RB1: variants seen among roughly 807,000 people sequenced by gnomAD.
RB1 encodes the protein retinoblastoma-associated protein.
In RB1, 18 loss-of-function variants were observed where a neutral mutation model predicts 135.4. The observed-to-expected ratio is 0.13, with a 90% CI of 0.09 to 0.20. The LOEUF is 0.20. Ranked by LOEUF, RB1 falls within the 10% of genes least tolerant of loss-of-function variation. The pLI is 1.00. For synonymous variants in RB1, 365 were observed against 373.2 expected, an observed-to-expected ratio of 0.98 and a Z score of 0.25; for missense variants, 868 against 1,110.0, an observed-to-expected ratio of 0.78 and a Z score of 3.10.
Position 48,481,168 on chromosome 13 carries a change from AT to A in RB1, c.*1100del, listed in dbSNP as rs1949536515. On this transcript the variant is annotated 3_prime_UTR_variant, in exon 27 of 27. Transcript: ENST00000267163. ...GTATCTTTTGAACTGGCAATTGTCT[AT>A]TTATCTTTTATTTTTTTAAGTCAGT... is the stretch of plus-strand genomic sequence containing the variant. 8.7e-6 allele frequency: 2 copies of A among 230,666 alleles called. No homozygotes were observed. The allele number at this position is 230,666 out of a possible 1,614,324, so 14.3% of individuals were successfully genotyped here.
At chr13:48,472,986 T>C (rs1480202125) in intron 23 of RB1, among the ~76,000 whole-genome samples, 2 of 152,174 alleles carry the variant, frequency 1.3e-5, no homozygotes. Context: ...ATATTCTAAG[T>C]TTTTTCCAAA....
intron 17 of RB1, among the ~76,000 whole-genome samples, chr13:48,386,066 G>A (rs1948569317): frequency 2.0e-5 from 3 of 148,354 alleles, no homozygotes; most frequent in South Asian, 2.1e-4. Flanking sequence ...AAAGCTAGGT[G>A]TGATGGCATG....
intron 17 of RB1, chr13:48,411,522 G>T: frequency 6.2e-7 from 1 of 1,612,454 alleles, no homozygotes; most frequent in Non-Finnish European, 8.5e-7. Context: ...CATTTTTATT[G>T]AATTCTGAAT....
At chr13:48,364,170 AT>A (rs2138115021) in intron 8 of RB1, among the ~76,000 whole-genome samples, 1 of 152,330 alleles carries the variant, frequency 6.6e-6, no homozygotes, top group Admixed American at 6.5e-5. Flanking sequence ...GATATATTTA[AT>A]TACATATATT....
intron 6 of RB1, 30 bp from the exon 7 acceptor site, chr13:48,359,987 T>A (rs1472306160): frequency 1.2e-6 from 2 of 1,608,908 alleles, no homozygotes; most frequent in Non-Finnish European, 1.7e-6. Context: ...AATCTCTAAC[T>A]TTCTTTAAAA....
intron 26 of RB1, among the ~76,000 whole-genome samples, chr13:48,478,053 T>C (rs1949514894): frequency 6.6e-6 from 1 of 152,194 alleles, no homozygotes; most frequent in Admixed American, 6.6e-5. Context: ...TATTGGGTTG[T>C]CTTAGGTAGT....
chr13:48,381,500 T>C, intron 17 of RB1, 57 bp downstream of exon 17: 1 of 1,516,468 alleles, frequency 6.6e-7, no homozygotes, highest in Non-Finnish European at 9.1e-7. Flanking sequence ...AACAAATTAT[T>C]GTTAGTGAGA....
intron 12 of RB1, among the ~76,000 whole-genome samples, chr13:48,374,938 C>T (rs1342862140): frequency 6.6e-6 from 1 of 152,110 alleles, no homozygotes; most frequent in South Asian, 2.1e-4. Context: ...ATATTTAGCT[C>T]CCACTCATTA....
At chr13:48,444,932 A>C (rs1009769305) in intron 17 of RB1, 2 of 152,118 alleles carry the variant, frequency 1.3e-5, no homozygotes, top group Non-Finnish European at 2.9e-5. Context: ...GTTTTTATAT[A>C]TTTTCAGTTT....
intron 2 of RB1, among the ~76,000 whole-genome samples, chr13:48,323,614 A>G (rs964359759): frequency 5.3e-5 from 8 of 152,082 alleles, no homozygotes; most frequent in Admixed American, 5.2e-4. Flanking sequence ...ATGTACTTTC[A>G]TCATGTAATA....
intron 7 of RB1, 40 bp downstream of exon 7, chr13:48,360,167 G>A (rs767679003): frequency 2.5e-6 from 4 of 1,608,870 alleles, no homozygotes; most frequent in Non-Finnish European, 3.4e-6. Flanking sequence ...TTCTCATTCA[G>A]CAGTTGCTTA....
chr13:48,347,047 C>T (rs1297124134), intron 4 of RB1, among the ~76,000 whole-genome samples: 10 of 150,814 alleles, frequency 6.6e-5, no homozygotes, highest in African/African-American at 2.2e-4. Context: ...ATAGTAATTT[C>T]GACTGGATGC....
Position 48,415,856 on chromosome 13 carries a change from A to T in RB1, c.1695+34413A>T, listed in dbSNP as rs553617334. ...TAATTGAATACTGCATTTTTTCCAG[A>T]TATTAAATTTGGCCTCTAATTAAGG... On this transcript the variant is annotated intron_variant, in intron 17 of 26. Transcript: ENST00000267163. 3 of 152,316 alleles carry T rather than the reference A, an allele frequency of 2.0e-5. No homozygotes were observed. In the South Asian group the frequency reaches 6.2e-4, roughly 32 times the overall value. 9.4% of individuals were successfully genotyped at this position (152,316 alleles called of 1,614,324 possible).
chr13:48,384,591 T>C (rs1948559370), intron 17 of RB1, among the ~76,000 whole-genome samples: 1 of 152,170 alleles, frequency 6.6e-6, no homozygotes, highest in African/African-American at 2.4e-5. Context: ...TTTGATTCTG[T>C]GTCATAATAA....
intron 17 of RB1, among the ~76,000 whole-genome samples, chr13:48,394,802 C>T (rs770616423): frequency 5.3e-5 from 8 of 152,228 alleles, no homozygotes; most frequent in South Asian, 2.1e-4. Context: ...TGGGGGAAGG[C>T]GCAGCTGTGG....
intron 17 of RB1, among the ~76,000 whole-genome samples, chr13:48,438,904 CT>C (rs1430429455): frequency 6.6e-6 from 1 of 151,980 alleles, no homozygotes; most frequent in Non-Finnish European, 1.5e-5. Flanking sequence ...CACAACAACT[CT>C]ATGTAGTGGG....
chr13:48,472,050 C>T (rs1949474335), intron 23 of RB1, among the ~76,000 whole-genome samples: 1 of 152,176 alleles, frequency 6.6e-6, no homozygotes, highest in African/African-American at 2.4e-5. Flanking sequence ...ACCACAAGTG[C>T]TCTCTAGCTT....
intron 17 of RB1, among the ~76,000 whole-genome samples, chr13:48,432,191 T>A (rs1348230419): frequency 6.6e-6 from 1 of 152,132 alleles, no homozygotes; most frequent in East Asian, 1.9e-4. Flanking sequence ...GAATGAATCA[T>A]GTGGTTGTCT....
At chr13:48,320,468 G>A in intron 2 of RB1, 1 of 826,384 alleles carries the variant, frequency 1.2e-6, no homozygotes, top group Non-Finnish European at 2.0e-6. Context: ...GCGTTCCTGA[G>A]AAACATTCTA....
Sources: gnomAD v4.1 joint callset for allele counts (sites outside exome capture counted in the v4.1 genomes callset) on GRCh38, gnomAD v4.1.1 for gene constraint, MANE v1.5 for transcripts, NCBI Gene and HGNC (gene_info 2026-07-23, HGNC 2026-07-21) for gene names.